Variants in POPDC1 observed in about 807,000 individuals in gnomAD.
POPDC1 encodes the protein popeye domain cAMP effector 1.
chr6:105,108,111 G>A, the POPDC1 span, among the ~76,000 whole-genome samples: 1 of 152,166 alleles, frequency 6.6e-6, no homozygotes, highest in African/African-American at 2.4e-5. Flanking sequence ...TGGACCATCA[G>A]GGCCGTGAGC....
At chr6:105,116,760 T>A in the POPDC1 span, 8 of 1,611,962 alleles carry the variant, frequency 5.0e-6, no homozygotes, top group Non-Finnish European at 6.8e-6. Context: ...TCTTTTCCAA[T>A]AAGATACCTA....
At chr6:105,136,330 C>T in the POPDC1 span, 1 of 152,226 alleles carries the variant, frequency 6.6e-6, no homozygotes, top group African/African-American at 2.4e-5. Context: ...CCTCGGGTCC[C>T]CAGCCATCGG....
At chr6:105,136,820 G>A in the POPDC1 span, 1 of 152,092 alleles carries the variant, frequency 6.6e-6, no homozygotes, top group Non-Finnish European at 1.5e-5. Flanking sequence ...CGGGCGCGTA[G>A]AACAAGCAGC....
the POPDC1 span, among the ~76,000 whole-genome samples, chr6:105,113,097 A>AT: frequency 6.6e-6 from 1 of 150,756 alleles, no homozygotes; most frequent in African/African-American, 2.4e-5. Flanking sequence ...TGCCTGGATA[A>AT]TTTTTTTAAT....
At chr6:105,126,086 C>A in the POPDC1 span, among the ~76,000 whole-genome samples, 1 of 151,810 alleles carries the variant, frequency 6.6e-6, no homozygotes, top group African/African-American at 2.4e-5. Flanking sequence ...ATTAGCTGGG[C>A]GTGGTGGCAT....
the POPDC1 span, chr6:105,133,200 A>G: frequency 1.6e-6 from 1 of 630,668 alleles, no homozygotes; most frequent in African/African-American, 1.8e-5. Context: ...CCTATGCTCT[A>G]AGCTAATTGA....
the POPDC1 span, among the ~76,000 whole-genome samples, chr6:105,121,324 G>A: frequency 6.6e-6 from 1 of 151,474 alleles, no homozygotes; most frequent in Admixed American, 6.6e-5. Flanking sequence ...GGAGTGCAGG[G>A]GTGTGATCTC....
At chr6:105,108,703 T>C in the POPDC1 span, among the ~76,000 whole-genome samples, 1,401 of 152,354 alleles carry the variant, frequency 9.2e-3, 18 homozygotes, top group African/African-American at 0.032. Flanking sequence ...TAGAACAGTC[T>C]CCTTTGAACA....
chr6:105,116,803 A>G, the POPDC1 span: 1 of 1,612,612 alleles, frequency 6.2e-7, no homozygotes, highest in Admixed American at 1.7e-5. Context: ...CTGATTCCAG[A>G]AAGTATGTTA....
At chr6:105,122,095 A>T in the POPDC1 span, among the ~76,000 whole-genome samples, 12,886 of 152,220 alleles carry the variant, frequency 0.085, 596 homozygotes, top group Middle Eastern at 0.19. Flanking sequence ...TCCTACACAG[A>T]TGTGTAACAG....
chr6:105,127,227 T>G, the POPDC1 span, among the ~76,000 whole-genome samples: 7 of 152,154 alleles, frequency 4.6e-5, no homozygotes, highest in African/African-American at 1.4e-4. Flanking sequence ...AAAAAGTAGA[T>G]TTATAGTATG....
At chr6:105,114,183 C>G in the POPDC1 span, among the ~76,000 whole-genome samples, 9 of 152,162 alleles carry the variant, frequency 5.9e-5, no homozygotes, top group Non-Finnish European at 1.0e-4. Context: ...TTGTCCAATT[C>G]ACTATAAACT....
At chr6:105,127,037 G>T in the POPDC1 span, among the ~76,000 whole-genome samples, 9 of 152,138 alleles carry the variant, frequency 5.9e-5, no homozygotes, top group African/African-American at 2.2e-4. Context: ...TTAGTCTCTG[G>T]AAGTCATACT....
At chr6:105,120,644 TG>T in the POPDC1 span, among the ~76,000 whole-genome samples, 2 of 152,198 alleles carry the variant, frequency 1.3e-5, no homozygotes, top group Non-Finnish European at 2.9e-5. Flanking sequence ...AGGTTTGCCG[TG>T]ATTACCACAA....
At chr6:105,109,944 T>C in the POPDC1 span, among the ~76,000 whole-genome samples, 1 of 151,952 alleles carries the variant, frequency 6.6e-6, no homozygotes, top group African/African-American at 2.4e-5. Flanking sequence ...GATATCTATG[T>C]ATATTAACTT....
chr6:105,117,190 A>G, the POPDC1 span, among the ~76,000 whole-genome samples: 29 of 152,332 alleles, frequency 1.9e-4, no homozygotes, highest in African/African-American at 6.7e-4. Flanking sequence ...GCCACTGGAC[A>G]TATGACTTAC....
chr6:105,134,902 T>C, the POPDC1 span, among the ~76,000 whole-genome samples: 2 of 152,100 alleles, frequency 1.3e-5, no homozygotes, highest in Non-Finnish European at 2.9e-5. Flanking sequence ...AATCAGCAAA[T>C]ATATAAGCCT....
the POPDC1 span, chr6:105,129,440 T>C: frequency 6.2e-7 from 1 of 1,612,682 alleles, no homozygotes; most frequent in Non-Finnish European, 8.5e-7. Flanking sequence ...GAACACAGAG[T>C]TCCAGATCAT....
At chr6:105,100,237 C>G in the POPDC1 span, 1 of 151,778 alleles carries the variant, frequency 6.6e-6, no homozygotes, top group East Asian at 1.9e-4. Flanking sequence ...AGGCCGGGCG[C>G]GGTGGCTCAC....
Sources: gnomAD v4.1 joint callset for allele counts (sites outside exome capture counted in the v4.1 genomes callset) on GRCh38, gnomAD v4.1.1 for gene constraint, MANE v1.5 for transcripts, NCBI Gene and HGNC (gene_info 2026-07-23, HGNC 2026-07-21) for gene names.